LRRC37A: variants seen among roughly 807,000 people sequenced by gnomAD.
The protein encoded by LRRC37A is leucine rich repeat containing 37A.
A neutral mutation model predicts 35.4 loss-of-function variants in LRRC37A; 3 were observed. The ratio of observed to expected loss-of-function variants is 0.08; its 90% CI spans 0.04 to 0.22. The LOEUF is 0.22. Among genes scored for constraint, LRRC37A ranks in the 10% least tolerant of loss-of-function variants. The probability of loss-of-function intolerance (pLI) is 1.00; values close to 1 mark genes in which losing one functional copy is unlikely to be tolerated. For synonymous variants in LRRC37A, 23 were observed against 215.0 expected (o/e 0.11, Z 7.81); for missense variants, 67 against 565.3 (o/e 0.12, Z 8.94).
chr17:46,267,615 T>C, the LRRC37A span: 1 of 1,513,398 alleles, frequency 6.6e-7, no homozygotes, highest in Non-Finnish European at 9.2e-7. Context: ...CCAGTCTTTT[T>C]TTGGGACGGA....
intron 7 of LRRC37A, among the ~76,000 whole-genome samples, chr17:46,324,220 G>A (rs1339965122): frequency 2.2e-5 from 2 of 91,060 alleles, no homozygotes; most frequent in African/African-American, 7.2e-5. Context: ...GCAATGAGCC[G>A]AGATTGCACC....
the LRRC37A span, among the ~76,000 whole-genome samples, chr17:46,278,334 AT>A: frequency 1.3e-5 from 2 of 148,376 alleles, no homozygotes; most frequent in African/African-American, 5.0e-5. Context: ...TCACTTAACC[AT>A]TTTCCCACCT....
the LRRC37A span, among the ~76,000 whole-genome samples, chr17:46,249,172 C>T: frequency 3.0e-4 from 45 of 152,178 alleles, no homozygotes; most frequent in South Asian, 8.7e-3. Flanking sequence ...CGAGGGACAA[C>T]TGTTCACTCC....
At chr17:46,278,087 C>A in the LRRC37A span, among the ~76,000 whole-genome samples, 1 of 152,148 alleles carries the variant, frequency 6.6e-6, no homozygotes, top group Non-Finnish European at 1.5e-5. Context: ...CTGGGACTTA[C>A]AGGCGTGCAC....
upstream of LRRC37A, among the ~76,000 whole-genome samples, chr17:46,291,969 C>CAAAAAACAAAA (rs2050081790): frequency 1.7e-5 from 1 of 58,090 alleles, no homozygotes. Context: ...TCTCAAAAAG[C>CAAAAAACAAAA]AAAAAAAAAA....
the LRRC37A span, among the ~76,000 whole-genome samples, chr17:46,265,586 C>T: frequency 6.8e-6 from 1 of 147,240 alleles, no homozygotes; most frequent in Middle Eastern, 3.2e-3. Flanking sequence ...TCAAGCGATC[C>T]TCCCACCTCA....
chr17:46,255,050 G>T, the LRRC37A span, among the ~76,000 whole-genome samples: 1 of 152,150 alleles, frequency 6.6e-6, no homozygotes, highest in Non-Finnish European at 1.5e-5. Flanking sequence ...TGGCCAGGCT[G>T]GTCTCAAACT....
At chr17:46,268,179 G>C in the LRRC37A span, among the ~76,000 whole-genome samples, 1 of 152,070 alleles carries the variant, frequency 6.6e-6, no homozygotes. Context: ...CCCACACCCC[G>C]TGCTACTTTT....
the LRRC37A span, among the ~76,000 whole-genome samples, chr17:46,269,492 A>G: frequency 2.1e-4 from 32 of 152,398 alleles, no homozygotes; most frequent in African/African-American, 6.5e-4. Flanking sequence ...AGATCGCGCC[A>G]GCCTGGGCAA....
chr17:46,253,345 GT>G, the LRRC37A span, among the ~76,000 whole-genome samples: 7 of 152,062 alleles, frequency 4.6e-5, no homozygotes, highest in African/African-American at 1.4e-4. Flanking sequence ...CCCAGACGGG[GT>G]GGCGGCCGGG....
the LRRC37A span, among the ~76,000 whole-genome samples, chr17:46,269,615 A>G: frequency 1.3e-5 from 2 of 152,270 alleles, no homozygotes; most frequent in Non-Finnish European, 2.9e-5. Flanking sequence ...TACTTCAGGC[A>G]AAAGTGTTCC....
chr17:46,285,946 T>C, the LRRC37A span, among the ~76,000 whole-genome samples: 28 of 152,394 alleles, frequency 1.8e-4, no homozygotes, highest in African/African-American at 6.5e-4. Context: ...TCCTTCTCTG[T>C]TAGTGGTGTG....
upstream of LRRC37A, among the ~76,000 whole-genome samples, chr17:46,289,248 A>T (rs1316394607): frequency 1.3e-5 from 2 of 152,044 alleles, no homozygotes; most frequent in African/African-American, 2.4e-5. Flanking sequence ...AGTGACATAA[A>T]CACGGCTTGC....
the LRRC37A span, among the ~76,000 whole-genome samples, chr17:46,250,793 C>G: frequency 6.6e-6 from 1 of 152,206 alleles, no homozygotes. Flanking sequence ...CTTTGGGAGG[C>G]TCAGGCAGGA....
At chr17:46,253,375 C>T in the LRRC37A span, among the ~76,000 whole-genome samples, 1 of 152,152 alleles carries the variant, frequency 6.6e-6, no homozygotes, top group Non-Finnish European at 1.5e-5. Flanking sequence ...GCAATCTCGG[C>T]ACTTTGGGAG....
the LRRC37A span, among the ~76,000 whole-genome samples, chr17:46,256,817 T>G: frequency 6.6e-6 from 1 of 151,998 alleles, no homozygotes; most frequent in Non-Finnish European, 1.5e-5. Flanking sequence ...AAGTCAGGTC[T>G]TATGGAATAA....
At chr17:46,254,032 G>A in the LRRC37A span, among the ~76,000 whole-genome samples, 2 of 152,214 alleles carry the variant, frequency 1.3e-5, no homozygotes, top group East Asian at 1.9e-4. Flanking sequence ...GGTGAAGGTC[G>A]CACCCTGAGA....
chr17:46,261,802 T>A, the LRRC37A span, among the ~76,000 whole-genome samples: 1 of 151,992 alleles, frequency 6.6e-6, no homozygotes, highest in African/African-American at 2.4e-5. Context: ...TAAGATCTGA[T>A]AAAACCGGGT....
chr17:46,281,976 G>A, the LRRC37A span, among the ~76,000 whole-genome samples: 1 of 151,846 alleles, frequency 6.6e-6, no homozygotes, highest in East Asian at 1.9e-4. Context: ...TCTTGTTTTT[G>A]GTCTATAACC....
Sources: allele counts gnomAD v4.1 joint callset (sites outside exome capture counted in the v4.1 genomes callset), GRCh38; gene constraint gnomAD v4.1.1; transcripts MANE v1.5; gene names NCBI Gene and HGNC (gene_info 2026-07-23, HGNC 2026-07-21).